RAPGEF6: variants seen among roughly 807,000 people sequenced by gnomAD.
The protein encoded by RAPGEF6 is PDZ domain containing guanine nucleotide exchange factor (GEF) 2.
A neutral mutation model predicts 171.4 loss-of-function variants in RAPGEF6; 56 were observed. That is an observed-to-expected ratio of 0.33 (90% CI 0.26 to 0.41). The LOEUF is 0.41. RAPGEF6 is among the 10% of genes least tolerant of loss of function. The pLI is 1.00. For missense variants in RAPGEF6, 1,674 were observed against 1,921.4 expected (o/e 0.87, Z 2.41); for synonymous variants, 692 against 650.1 (o/e 1.06, Z -0.98).
rs201188071 is a variant in RAPGEF6 at position 131,462,068 on chromosome 5, A to G, written c.2501T>C (p.Met834Thr). ...LNGRYYLKNN[M>T]ETETLCSDED... ...ATCTGAACATAAGGTTTCTGTTTCC[A>G]TGTTATTTTTTAAGTAATACCTAAA... Residue 834 changes from methionine (M) to threonine (T), a missense_variant, in exon 19 of 28, where the codon ATG (methionine) becomes ACG (threonine). Coordinates refer to ENST00000509018, the MANE Select transcript of RAPGEF6 (RefSeq NM_016340.6). 2.0e-5 allele frequency: 31 copies of G among 1,550,764 alleles called. No individual in the cohort carries two copies. The highest frequency in any genetic ancestry group is 2.5e-5 in the Non-Finnish European group (29 of 1,149,112).
At chr5:131,531,706 G>A (rs1441966631) in intron 6 of RAPGEF6, among the ~76,000 whole-genome samples, 1 of 151,980 alleles carries the variant, frequency 6.6e-6, no homozygotes, top group Non-Finnish European at 1.5e-5. Context: ...CATAATTTAT[G>A]ACAGCATCAT....
chr5:131,581,063 G>C (rs984034129), intron 4 of RAPGEF6, among the ~76,000 whole-genome samples: 1 of 152,122 alleles, frequency 6.6e-6, no homozygotes, highest in African/African-American at 2.4e-5. Flanking sequence ...ACATTCCGCA[G>C]CCTCTCCAAT....
At chr5:131,504,543 A>C (rs1757227365) in intron 11 of RAPGEF6, 83 bp downstream of exon 11, 1 of 1,319,546 alleles carries the variant, frequency 7.6e-7, no homozygotes, top group Non-Finnish European at 1.0e-6. Context: ...ATCTTGCATT[A>C]CTTAAAAAAT....
At chr5:131,558,364 T>C (rs539048758) in intron 5 of RAPGEF6, among the ~76,000 whole-genome samples, 8 of 152,280 alleles carry the variant, frequency 5.3e-5, no homozygotes, top group Admixed American at 5.2e-4. Context: ...ACTGATTGTA[T>C]GACATGTTTT....
chr5:131,481,863 A>G (rs1755507931), intron 15 of RAPGEF6, among the ~76,000 whole-genome samples: 1 of 152,228 alleles, frequency 6.6e-6, no homozygotes, highest in Non-Finnish European at 1.5e-5. Flanking sequence ...TGAGCAGTAT[A>G]TGCTGCACCT....
At chr5:131,467,352 G>T (rs899138211) in intron 17 of RAPGEF6, among the ~76,000 whole-genome samples, 4 of 152,210 alleles carry the variant, frequency 2.6e-5, no homozygotes, top group Non-Finnish European at 5.9e-5. Flanking sequence ...ATTATCTAAA[G>T]GGTATCCCTT....
rs1761625690 is a variant in RAPGEF6, at chr5:131,561,867, A to C, written c.351+111T>G. 3.0e-5 allele frequency: 24 copies of C among 792,156 alleles called. No individual in the cohort carries two copies. In the South Asian group the frequency reaches 3.2e-4, roughly 11 times the overall value. 49.1% of individuals were successfully genotyped at this position (792,156 alleles called of 1,614,324 possible). ...GATAGTTCTGATGCTACTTGATGAAATCTCTAAAAGGTCATAGTAATAAAA... is the reference window on the plus strand; with the variant it reads ...GATAGTTCTGATGCTACTTGATGAACTCTCTAAAAGGTCATAGTAATAAAA... On this transcript the variant is annotated intron_variant, in intron 5 of 27. Transcript: ENST00000509018.
At chr5:131,576,213 G>C (rs1762596700) in intron 4 of RAPGEF6, among the ~76,000 whole-genome samples, 1 of 152,044 alleles carries the variant, frequency 6.6e-6, no homozygotes, top group African/African-American at 2.4e-5. Flanking sequence ...ACTGCGCTTG[G>C]TTTACTGATG....
At chr5:131,467,149 C>T (rs940598282) in intron 17 of RAPGEF6, among the ~76,000 whole-genome samples, 2 of 152,194 alleles carry the variant, frequency 1.3e-5, no homozygotes, top group Non-Finnish European at 1.5e-5. Context: ...ATTTCATGTT[C>T]TCTTCCCTTG....
chr5:131,631,825 C>T (rs1766324659), intron 1 of RAPGEF6, among the ~76,000 whole-genome samples: 1 of 152,122 alleles, frequency 6.6e-6, no homozygotes, highest in Admixed American at 6.5e-5. Flanking sequence ...GCCTGTAATC[C>T]CAGCACTTTG....
At chr5:131,540,438 T>C (rs950563858) in intron 6 of RAPGEF6, among the ~76,000 whole-genome samples, 11 of 152,190 alleles carry the variant, frequency 7.2e-5, no homozygotes, top group African/African-American at 2.4e-4. Flanking sequence ...TGGTGGCACA[T>C]GCCTGTAGTC....
chr5:131,561,094 T>A (rs1761570398), intron 5 of RAPGEF6, among the ~76,000 whole-genome samples: 2 of 151,762 alleles, frequency 1.3e-5, no homozygotes, highest in Admixed American at 6.5e-5. Context: ...AAGCAAGCTG[T>A]GTTCTTGATT....
At position 131,501,427 on chromosome 5, in the gene RAPGEF6, C is replaced by A. The variant is rs184947880; in HGVS notation, c.1255-2820G>T. The stretch of plus-strand genomic sequence containing the variant: ...AAATCTCAATGTGAAGATTGTAGTA[C>A]AGTAAAAATAACATATTTTCAATAT... On this transcript the variant is annotated intron_variant, in intron 11 of 27. Transcript: ENST00000509018. Among the ~76,000 whole-genome samples the A allele has an allele frequency of 7.0e-4, 106 of 151,560 alleles. 1 individual carries two copies. Among genetic ancestry groups the A allele is most frequent in the African/African-American group, 2.4e-3 (99 of 41,320 alleles).
chr5:131,450,998 G>A (rs1335717997), intron 21 of RAPGEF6, among the ~76,000 whole-genome samples: 1 of 152,170 alleles, frequency 6.6e-6, no homozygotes, highest in African/African-American at 2.4e-5. Context: ...GAATCAGGAT[G>A]TTAACATGTG....
At chr5:131,475,566 A>G (rs1042486076) in intron 16 of RAPGEF6, among the ~76,000 whole-genome samples, 3 of 152,224 alleles carry the variant, frequency 2.0e-5, no homozygotes, top group African/African-American at 7.2e-5. Context: ...GTTACAATGA[A>G]TAACACAGAG....
At chr5:131,462,169 A>G in intron 18 of RAPGEF6, 81 bp from the exon 19 acceptor site, 1 of 1,146,878 alleles carries the variant, frequency 8.7e-7, no homozygotes, top group Non-Finnish European at 1.1e-6. Flanking sequence ...TCGTTGTAAA[A>G]TATCATTTTA....
At chr5:131,621,573 C>T (rs555196926) in intron 1 of RAPGEF6, among the ~76,000 whole-genome samples, 16 of 152,056 alleles carry the variant, frequency 1.1e-4, no homozygotes, top group Admixed American at 3.3e-4. Context: ...ATTACAGGCA[C>T]GAGCCACCAC....
At chr5:131,606,696 G>T (rs1337292413) in intron 1 of RAPGEF6, among the ~76,000 whole-genome samples, 1 of 152,130 alleles carries the variant, frequency 6.6e-6, no homozygotes, top group Non-Finnish European at 1.5e-5. Flanking sequence ...CACAGATGTG[G>T]GTTGGCTCTG....
intron 16 of RAPGEF6, 84 bp from the exon 17 acceptor site, chr5:131,472,828 T>A (rs1217811465): frequency 1.0e-5 from 12 of 1,171,944 alleles, no homozygotes; most frequent in Non-Finnish European, 1.4e-5. Context: ...CACTAAGGCA[T>A]AAAAGAACCA....
Sources: allele counts gnomAD v4.1 joint callset (sites outside exome capture counted in the v4.1 genomes callset), GRCh38; gene constraint gnomAD v4.1.1; transcripts MANE v1.5; gene names NCBI Gene and HGNC (gene_info 2026-07-23, HGNC 2026-07-21).